ACSL5: variants seen among roughly 807,000 people sequenced by gnomAD.
ACSL5 encodes long-chain-fatty-acid--CoA ligase 5.
A neutral mutation model predicts 84.9 loss-of-function variants in ACSL5; 50 were observed. The observed-to-expected ratio is 0.59, with a 90% CI of 0.47 to 0.75. ACSL5 has a LOEUF of 0.75. Among genes scored for constraint, ACSL5 ranks in the 30% least tolerant of loss-of-function variants. The pLI, the probability that ACSL5 is intolerant of heterozygous loss-of-function variation, is 0.00. For synonymous variants in ACSL5, 280 were observed against 300.7 expected (o/e 0.93, Z 0.71); for missense variants, 775 against 830.4 (o/e 0.93, Z 0.82).
intron 17 of ACSL5, chr10:112,424,930 A>C (rs1417144292): frequency 6.5e-6 from 1 of 153,680 alleles, no homozygotes; most frequent in Non-Finnish European, 1.4e-5. Context: ...CAGGGAGTCA[A>C]GTGGTGGGAG....
At chr10:112,403,643 A>G (rs1201700861) in intron 3 of ACSL5, among the ~76,000 whole-genome samples, 3 of 152,212 alleles carry the variant, frequency 2.0e-5, no homozygotes, top group Non-Finnish European at 2.9e-5. Flanking sequence ...TTAAAACTTG[A>G]TATGATAGGA....
intron 1 of ACSL5, among the ~76,000 whole-genome samples, chr10:112,378,184 A>G (rs1268941995): frequency 6.7e-6 from 1 of 150,074 alleles, no homozygotes; most frequent in Non-Finnish European, 1.5e-5. Context: ...ACCAGTACAC[A>G]GTAGGTACTC....
intron 7 of ACSL5, chr10:112,410,073 A>G: frequency 6.4e-6 from 3 of 466,726 alleles, no homozygotes; most frequent in Non-Finnish European, 8.4e-6. Flanking sequence ...TCACTACCTC[A>G]CAGAGGTCTT....
rs117089570 is a variant in ACSL5 at position 112,418,744 on chromosome 10, T to A, written c.1314+803T>A. 2.7e-3 allele frequency: 405 copies of A among 149,962 alleles called. 7 individuals carry two copies. Among genetic ancestry groups the A allele is most frequent in the East Asian group, 0.019 (97 of 5,140 alleles). 9.3% of individuals were successfully genotyped at this position (149,962 alleles called of 1,614,324 possible). ...ATAAAGTAAGCTAGAAAAAAGAAAA[T>A]GTTATTTAAGAAATCATAAGGAAGA... On this transcript the variant is annotated intron_variant, in intron 14 of 20. Transcript: ENST00000354655.
At chr10:112,409,370 A>G in intron 6 of ACSL5, 137 bp from the exon 7 acceptor site, 1 of 678,450 alleles carries the variant, frequency 1.5e-6, no homozygotes, top group East Asian at 2.6e-5. Flanking sequence ...GTTGTACATT[A>G]TAAATCTGAT....
At chr10:112,379,978 C>T (rs567792265) in intron 1 of ACSL5, among the ~76,000 whole-genome samples, 21 of 152,282 alleles carry the variant, frequency 1.4e-4, no homozygotes, top group South Asian at 4.1e-4. Context: ...GCACTTTGTC[C>T]GGCCTATCTT....
intron 1 of ACSL5, among the ~76,000 whole-genome samples, chr10:112,382,833 TA>T (rs1849376831): frequency 1.3e-5 from 2 of 152,192 alleles, no homozygotes; most frequent in South Asian, 4.1e-4. Context: ...ACTTATCTTT[TA>T]AAAAATTACG....
At chr10:112,385,650 C>G (rs1849435058) in intron 1 of ACSL5, among the ~76,000 whole-genome samples, 1 of 152,060 alleles carries the variant, frequency 6.6e-6, no homozygotes, top group Non-Finnish European at 1.5e-5. Context: ...CAAGCTCTGC[C>G]CTTGCTTTAT....
Position 112,399,135 on chromosome 10 carries a change from T to C in ACSL5, c.265+126T>C, listed in dbSNP as rs557392269. On this transcript the variant is annotated intron_variant, in intron 3 of 20. Coordinates refer to ENST00000354655, the MANE Select transcript of ACSL5 (RefSeq NM_203379.2). The stretch of plus-strand genomic sequence containing the variant: ...CAGTGATCCAAGTAGAATCGCAACA[T>C]GCAAAATAGAGGCAACATTAGAACA... 6 of 769,650 alleles carry C rather than the reference T, an allele frequency of 7.8e-6. No individual in the cohort carries two copies. In the East Asian group the frequency reaches 1.3e-4, roughly 17 times the overall value. 47.7% of individuals were successfully genotyped at this position (769,650 alleles called of 1,614,324 possible).
chr10:112,406,430 T>C (rs1202864080), intron 5 of ACSL5: 1 of 152,234 alleles, frequency 6.6e-6, no homozygotes, highest in East Asian at 1.9e-4. Flanking sequence ...CTATCTCATA[T>C]ACTGTCACAT....
intron 3 of ACSL5, among the ~76,000 whole-genome samples, chr10:112,401,882 CCTT>C (rs1337696875): frequency 6.9e-6 from 1 of 145,188 alleles, no homozygotes; most frequent in South Asian, 2.2e-4. Context: ...TTCTTTCTTT[CCTT>C]CTTTCTTTCT....
chr10:112,396,983 G>T (rs17129754), intron 2 of ACSL5, among the ~76,000 whole-genome samples: 33,883 of 151,874 alleles, frequency 0.22, 3,946 homozygotes, highest in Middle Eastern at 0.27. Flanking sequence ...CTCTCACTTT[G>T]GATACTAATT....
intron 20 of ACSL5, 39 bp downstream of exon 20, chr10:112,426,898 G>A (rs774838326): frequency 9.9e-6 from 15 of 1,513,160 alleles, no homozygotes; most frequent in Admixed American, 1.7e-5. Context: ...CCTCTTGTCA[G>A]AAAGTTTTGT....
At chr10:112,410,277 A>G (rs1478483913) in intron 7 of ACSL5, 186 bp from the exon 8 acceptor site, 1 of 1,542,208 alleles carries the variant, frequency 6.5e-7, no homozygotes, top group East Asian at 2.5e-5. Flanking sequence ...TTTCTAGAGA[A>G]ATCTTATGCT....
At chr10:112,401,823 TCTTTCTTTCTTTCTTTCTTCCTTC>T (rs1423631808) in intron 3 of ACSL5, among the ~76,000 whole-genome samples, 151 of 114,246 alleles carry the variant, frequency 1.3e-3, no homozygotes, top group East Asian at 3.8e-3. Flanking sequence ...TTTCTTTCTT[TCTTTCTTTCTTTCTTTCTTCCTTC>T]CTTCCTTCCT....
chr10:112,409,653 G>A lies in ACSL5; in HGVS notation c.679G>A (p.Gly227Arg). 1 of 1,614,152 alleles carries A rather than the reference G, an allele frequency of 6.2e-7. No homozygotes were observed. The highest frequency in any genetic ancestry group is 1.3e-5 in the African/African-American group (1 of 75,048). ...CCTGAAGCAAAGAGGGGAGAAGAGT[G>A]GAATTGAGATCTTATCCCTATATGA... ...DDLKQRGEKS[G>R]IEILSLYDAE... The change falls in exon 7 of 21, where the codon GGA becomes AGA. Residue 227 changes from glycine (G) to arginine (R), a missense_variant. Physicochemically the swap from Gly to Arg is moderately radical, Grantham distance 125. Transcript: ENST00000354655.
chr10:112,391,069 A>G (rs753713933), intron 1 of ACSL5, among the ~76,000 whole-genome samples: 5 of 152,208 alleles, frequency 3.3e-5, no homozygotes, highest in Non-Finnish European at 5.9e-5. Context: ...TGTAAATTGT[A>G]TCTCAATTTT....
Position 112,400,406 on chromosome 10 carries a change from C to CTTTT in ACSL5, c.265+1415_265+1418dup, listed in dbSNP as rs573644087. ...AATTTTTTTTTCCTTTTTTTCTTTTCTTTTTTTTTTTTTTTTTTTTTGAGA... is the reference window on the plus strand; with the variant it reads ...AATTTTTTTTTCCTTTTTTTCTTTTCTTTTTTTTTTTTTTTTTTTTTTTTTGAGA... On this transcript the variant is annotated intron_variant, in intron 3 of 20. Transcript: ENST00000354655. Among the ~76,000 whole-genome samples the CTTTT allele has an allele frequency of 2.0e-3, 195 of 98,846 alleles. 1 individual carries two copies. Among genetic ancestry groups the CTTTT allele is most frequent in the African/African-American group, 2.7e-3 (67 of 25,266 alleles). The allele number at this position is 98,846 out of a possible 152,430, so 64.8% of individuals were successfully genotyped here. A position where few individuals can be genotyped will look rare whatever the true frequency, so the allele number is the denominator to read the frequency against.
chr10:112,384,140 C>T lies in ACSL5; in HGVS notation c.-30+9871C>T, dbSNP rs529785053. Among the ~76,000 whole-genome samples the T allele has an allele frequency of 9.3e-5, 14 of 150,772 alleles. No homozygotes were observed. In the East Asian group the frequency reaches 2.4e-3, roughly 25 times the overall value. ...GGCAGAGGTTGCAGTGAGCCGAGAT[C>T]ACACCACTGCATTCCAGCCTGGGCA... On this transcript the variant is annotated intron_variant, in intron 1 of 20. Coordinates refer to ENST00000354655, the MANE Select transcript of ACSL5 (RefSeq NM_203379.2).
Sources: allele counts gnomAD v4.1 joint callset (sites outside exome capture counted in the v4.1 genomes callset), GRCh38; gene constraint gnomAD v4.1.1; transcripts MANE v1.5; gene names NCBI Gene and HGNC (gene_info 2026-07-23, HGNC 2026-07-21).